MC2R: variants seen among roughly 807,000 people sequenced by gnomAD.
MC2R encodes adrenocorticotropic hormone receptor.
In MC2R, 9 loss-of-function variants were observed where a neutral mutation model predicts 9.8. That is an observed-to-expected ratio of 0.92 (90% CI 0.55 to 1.60). MC2R has a LOEUF of 1.60. Among genes scored for constraint, MC2R ranks in the 40% most tolerant of loss-of-function variants. The pLI is 0.00. For synonymous variants in MC2R, 185 were observed against 154.7 expected, an observed-to-expected ratio of 1.20 and a Z score of -1.45; for missense variants, 370 against 389.0, an observed-to-expected ratio of 0.95 and a Z score of 0.41.
At chr18:13,910,063 G>T (rs1399593978) in intron 1 of MC2R, among the ~76,000 whole-genome samples, 1 of 152,044 alleles carries the variant, frequency 6.6e-6, no homozygotes, top group African/African-American at 2.4e-5. Context: ...TTTTCATTTA[G>T]GTCTATGATC....
At chr18:13,913,464 G>A (rs1387214219) in intron 1 of MC2R, among the ~76,000 whole-genome samples, 1 of 152,206 alleles carries the variant, frequency 6.6e-6, no homozygotes, top group African/African-American at 2.4e-5. Context: ...ACCAAGTCAG[G>A]CTCTGTGCGT....
In MC2R at chr18:13,882,113, C is replaced by G. The variant is rs1385745567; in HGVS notation, c.*2512G>C. On this transcript the variant is annotated 3_prime_UTR_variant, in exon 2 of 2. Coordinates refer to ENST00000327606, the MANE Select transcript of MC2R (RefSeq NM_000529.2). ...CTTGAGTACACATCCTGAACATTTT[C>G]AGCTATCTGGTCCAAGGCTAGGTCA... The G allele has an allele frequency of 6.6e-6, 1 of 152,254 alleles. No homozygotes were observed. The highest frequency in any genetic ancestry group is 1.5e-5 in the Non-Finnish European group (1 of 68,048). 9.4% of individuals were successfully genotyped at this position (152,254 alleles called of 1,614,324 possible).
chr18:13,883,629 T>TCA lies in MC2R; in HGVS notation c.*995_*996insTG, dbSNP rs2045251166. The TCA allele has an allele frequency of 2.0e-5, 1 of 50,476 alleles. No homozygotes were observed. The highest frequency in any genetic ancestry group is 4.5e-5 in the Non-Finnish European group (1 of 22,032). The allele number at this position is 50,476 out of a possible 1,614,324, so 3.1% of individuals were successfully genotyped here. On this transcript the variant is annotated 3_prime_UTR_variant, in exon 2 of 2. Transcript: ENST00000327606. The stretch of plus-strand genomic sequence containing the variant: ...CACACACACACACACACACACACAC[T>TCA]CTCTCTCTCTCTCTCTCTCTCTCTC...
intron 1 of MC2R, among the ~76,000 whole-genome samples, chr18:13,897,302 CG>C (rs2045351712): frequency 6.6e-6 from 1 of 152,176 alleles, no homozygotes; most frequent in Non-Finnish European, 1.5e-5. Flanking sequence ...CACCCAGCCA[CG>C]GAGCAAGTCT....
rs776147841 is a variant in MC2R at position 13,884,723 on chromosome 18, T to C, written c.796A>G (p.Met266Val). The change falls in exon 2 of 2, where the codon ATG becomes GTG. Residue 266 changes from methionine to valine, a missense_variant. By Grantham distance (21) the Met-to-Val change is conservative (BLOSUM62 1). Coordinates refer to ENST00000327606, the MANE Select transcript of MC2R (RefSeq NM_000529.2). ...SLFQVNGMLI[M>V]CNAVIDPFIY... Reference sequence around the variant, plus strand: ...AAGGGGTCAATGACGGCATTGCACATGATCAACATGCCGTTCACCTGGAAG... The same window carrying C: ...AAGGGGTCAATGACGGCATTGCACACGATCAACATGCCGTTCACCTGGAAG... 2.5e-6 allele frequency: 4 copies of C among 1,614,092 alleles called. No homozygotes were observed. Among genetic ancestry groups the C allele is most frequent in the East Asian group, 2.2e-5 (1 of 44,880 alleles).
In MC2R at chr18:13,884,622, A is replaced by T; in HGVS notation, c.*3T>A. On this transcript the variant is annotated 3_prime_UTR_variant, in exon 2 of 2. Transcript: ENST00000327606. ...TGGATTCTAAAACCAGGGATCAGCC[A>T]TTCTACCAGTACCTGCTGCAGAAGA... 3 of 1,612,046 alleles carry T rather than the reference A, an allele frequency of 1.9e-6. No homozygotes were observed. The highest frequency in any genetic ancestry group is 2.5e-6 in the Non-Finnish European group (3 of 1,180,014).
In MC2R at chr18:13,885,285, G is replaced by T; in HGVS notation, c.234C>A (p.Ile78=). The T allele has an allele frequency of 2.5e-6, 4 of 1,614,150 alleles. No homozygotes were observed. Among genetic ancestry groups the T allele is most frequent in the Non-Finnish European group, 1.7e-6 (2 of 1,180,030 alleles). Residue 78 remains isoleucine, a synonymous_variant, in exon 2 of 2, where the codon ATC becomes ATA. Transcript: ENST00000327606. The part of the protein sequence containing the change: ...ISDMLGSLYK[I]LENILIILRN... ...TCAATATGATCAGGATATTTTCCAA[G>T]ATCTTATATAGGCTGCCCAGCATAT...
rs929697041 is a variant in MC2R at position 13,883,485 on chromosome 18, G to A, written c.*1140C>T. Reference sequence around the variant, plus strand: ...AATGAGGTGGTGTTTGCCTCCCTCAGGTCTTTGACTTGGGGCTATAATAAC... The same window carrying A: ...AATGAGGTGGTGTTTGCCTCCCTCAAGTCTTTGACTTGGGGCTATAATAAC... On this transcript the variant is annotated 3_prime_UTR_variant, in exon 2 of 2. Coordinates refer to ENST00000327606, the MANE Select transcript of MC2R (RefSeq NM_000529.2). 2 of 151,898 alleles carry A rather than the reference G, an allele frequency of 1.3e-5. No homozygotes were observed. Among genetic ancestry groups the A allele is most frequent in the African/African-American group, 2.4e-5 (1 of 41,306 alleles). The allele number at this position is 151,898 out of a possible 1,614,324, so 9.4% of individuals were successfully genotyped here.
intron 1 of MC2R, among the ~76,000 whole-genome samples, chr18:13,904,576 A>T (rs2149141890): frequency 6.6e-6 from 1 of 151,310 alleles, no homozygotes; most frequent in South Asian, 2.1e-4. Flanking sequence ...AAAAAAAGGA[A>T]AAAAGCTGGA....
chr18:13,892,599 G>A (rs971816361), intron 1 of MC2R, among the ~76,000 whole-genome samples: 2 of 151,880 alleles, frequency 1.3e-5, no homozygotes, highest in Non-Finnish European at 2.9e-5. Context: ...AGAACAATTT[G>A]AAGGACTTGT....
At chr18:13,892,189 T>G (rs1278816584) in intron 1 of MC2R, among the ~76,000 whole-genome samples, 1 of 152,182 alleles carries the variant, frequency 6.6e-6, no homozygotes, top group African/African-American at 2.4e-5. Flanking sequence ...AGAGCCCCTG[T>G]GGCAGCTTTT....
In MC2R at chr18:13,884,061, T is replaced by C. The variant is rs2045255747; in HGVS notation, c.*564A>G. 6.3e-6 allele frequency: 1 copy of C among 159,748 alleles called. No individual in the cohort carries two copies. Among genetic ancestry groups the C allele is most frequent in the South Asian group, 1.8e-4 (1 of 5,480 alleles). The allele number at this position is 159,748 out of a possible 1,614,324, so 9.9% of individuals were successfully genotyped here. On this transcript the variant is annotated 3_prime_UTR_variant, in exon 2 of 2. Transcript: ENST00000327606. ...GAAAGAGGAGGGTGGAGATTCCACA[T>C]GGCTGTGGGAGACAGACAAATTCAG...
intron 1 of MC2R, among the ~76,000 whole-genome samples, chr18:13,888,590 A>C (rs28418656): frequency 0.063 from 9,527 of 152,246 alleles, 920 homozygotes; most frequent in African/African-American, 0.21. Flanking sequence ...AAGGGTAATA[A>C]CAACAGATGC....
intron 1 of MC2R, among the ~76,000 whole-genome samples, chr18:13,890,442 T>A (rs1334764921): frequency 6.6e-6 from 1 of 152,104 alleles, no homozygotes; most frequent in Non-Finnish European, 1.5e-5. Flanking sequence ...TAGAGGGCAG[T>A]CCTGTAATCC....
At chr18:13,896,715 A>G (rs1045815929) in intron 1 of MC2R, among the ~76,000 whole-genome samples, 40 of 152,324 alleles carry the variant, frequency 2.6e-4, no homozygotes, top group African/African-American at 8.4e-4. Context: ...TGCCTTTAAG[A>G]CCTAAAAACA....
intron 1 of MC2R, among the ~76,000 whole-genome samples, chr18:13,910,503 G>A (rs962676825): frequency 5.3e-5 from 8 of 152,356 alleles, no homozygotes; most frequent in Admixed American, 2.0e-4. Flanking sequence ...CAGGGATTGT[G>A]TTGACTCTGT....
intron 1 of MC2R, among the ~76,000 whole-genome samples, chr18:13,898,183 C>A (rs778197750): frequency 6.6e-6 from 1 of 152,160 alleles, no homozygotes; most frequent in African/African-American, 2.4e-5. Context: ...CAGCATTCAC[C>A]ACAACCTGAC....
chr18:13,906,517 C>T (rs1450347411), intron 1 of MC2R, among the ~76,000 whole-genome samples: 1 of 152,006 alleles, frequency 6.6e-6, no homozygotes, highest in Non-Finnish European at 1.5e-5. Flanking sequence ...TGTAACAAAC[C>T]TGCACGTTCT....
Position 13,882,655 on chromosome 18 carries a change from A to G in MC2R, c.*1970T>C, listed in dbSNP as rs2045239765. 1 of 152,230 alleles carries G rather than the reference A, an allele frequency of 6.6e-6. No individual in the cohort carries two copies. The highest frequency in any genetic ancestry group is 2.4e-5 in the African/African-American group (1 of 41,452). 9.4% of individuals were successfully genotyped at this position (152,230 alleles called of 1,614,324 possible). A position where few individuals can be genotyped will look rare whatever the true frequency, so the allele number is the denominator to read the frequency against. On this transcript the variant is annotated 3_prime_UTR_variant, in exon 2 of 2. Coordinates refer to ENST00000327606, the MANE Select transcript of MC2R (RefSeq NM_000529.2). The stretch of plus-strand genomic sequence containing the variant: ...TTGGGACTATTTATGATACAGGTTA[A>G]GTGGCATTGCTTACCTCTGTGGTAT...
Sources: gnomAD v4.1 joint callset for allele counts (sites outside exome capture counted in the v4.1 genomes callset) on GRCh38, gnomAD v4.1.1 for gene constraint, MANE v1.5 for transcripts, NCBI Gene and HGNC (gene_info 2026-07-23, HGNC 2026-07-21) for gene names.